The following NAALADL2 variants were observed in gnomAD, a reference collection of about 807,000 sequenced individuals.
The protein encoded by NAALADL2 is inactive N-acetylated-alpha-linked acidic dipeptidase-like protein 2.
Under a neutral mutation model 87.2 loss-of-function variants are expected in NAALADL2, and 76 were observed. The ratio of observed to expected loss-of-function variants is 0.87; its 90% CI spans 0.72 to 1.05. NAALADL2 has a LOEUF of 1.05. Ranked by LOEUF, NAALADL2 falls within the 50% of genes least tolerant of loss-of-function variation. The probability of loss-of-function intolerance (pLI) is 0.00; values close to 1 mark genes in which losing one functional copy is unlikely to be tolerated. For synonymous variants in NAALADL2, 354 were observed against 331.0 expected (o/e 1.07, Z -0.75); for missense variants, 1,089 against 945.8 (o/e 1.15, Z -1.99).
chr3:175,062,561 T>A (rs1713737829), intron 1 of NAALADL2, among the ~76,000 whole-genome samples: 1 of 151,748 alleles, frequency 6.6e-6, no homozygotes, highest in Non-Finnish European at 1.5e-5. Context: ...TGCCCAGCTA[T>A]TTCTTCCAAA....
intron 2 of NAALADL2, among the ~76,000 whole-genome samples, chr3:174,611,488 G>C (rs534523010): frequency 6.6e-6 from 1 of 151,806 alleles, no homozygotes; most frequent in Admixed American, 6.6e-5. Flanking sequence ...TTCTAATTAC[G>C]GTAGGAATAG....
intron 5 of NAALADL2, among the ~76,000 whole-genome samples, chr3:175,404,205 T>C (rs1356752671): frequency 6.6e-6 from 1 of 152,130 alleles, no homozygotes; most frequent in Admixed American, 6.6e-5. Context: ...GTACTTGCTT[T>C]GGAGCCAGAA....
At position 175,471,623 on chromosome 3, in the gene NAALADL2, T is replaced by A; in HGVS notation, c.1534-16T>A. On this transcript the variant is annotated splice_polypyrimidine_tract_variant and intron_variant, in intron 8 of 13. Coordinates refer to ENST00000454872, the MANE Select transcript of NAALADL2 (RefSeq NM_207015.3). Reference sequence around the variant, plus strand: ...ATTTGTCTTACAGATAGATCCTTTTTTTTTTGTTATTTCAGGATTTCAAGA... The same window carrying A: ...ATTTGTCTTACAGATAGATCCTTTTATTTTTGTTATTTCAGGATTTCAAGA... 1.5e-6 allele frequency: 2 copies of A among 1,348,444 alleles called. No individual in the cohort carries two copies. Among genetic ancestry groups the A allele is most frequent in the Non-Finnish European group, 2.1e-6 (2 of 954,574 alleles). 83.5% of individuals were successfully genotyped at this position (1,348,444 alleles called of 1,614,324 possible). A position where few individuals can be genotyped will look rare whatever the true frequency, so the allele number is the denominator to read the frequency against.
intron 2 of NAALADL2, among the ~76,000 whole-genome samples, chr3:174,704,568 GA>G (rs1263336672): frequency 6.6e-6 from 1 of 151,662 alleles, no homozygotes; most frequent in Non-Finnish European, 1.5e-5. Flanking sequence ...GACAAGTTTA[GA>G]AACATATATA....
rs1436256606 is a variant in NAALADL2, at chr3:175,390,687, G to A, written c.1091-56542G>A. 2.0e-5 allele frequency among the ~76,000 whole-genome samples: 3 copies of A among 151,984 alleles called. No individual in the cohort carries two copies. The East Asian group carries it at 5.8e-4, about 29-fold the overall frequency. On this transcript the variant is annotated intron_variant, in intron 5 of 13. Transcript: ENST00000454872. ...GTCTCCAAGAGTAGCTTTTTTTCTGGTAAAAAGACATTTTTATAAATAGAA... is the reference window on the plus strand; with the variant it reads ...GTCTCCAAGAGTAGCTTTTTTTCTGATAAAAAGACATTTTTATAAATAGAA...
intron 11 of NAALADL2, among the ~76,000 whole-genome samples, chr3:175,707,185 T>C (rs1739837598): frequency 6.6e-6 from 1 of 152,100 alleles, no homozygotes; most frequent in Non-Finnish European, 1.5e-5. Context: ...AGTAAATATT[T>C]TGGCTTTGTG....
intron 5 of NAALADL2, among the ~76,000 whole-genome samples, chr3:175,332,058 A>G (rs2110503344): frequency 6.6e-6 from 1 of 152,310 alleles, no homozygotes; most frequent in East Asian, 1.9e-4. Flanking sequence ...ACTCCAAAAT[A>G]CTGATGAAAT....
intron 5 of NAALADL2, among the ~76,000 whole-genome samples, chr3:175,388,293 A>T (rs369547297): frequency 2.6e-5 from 4 of 152,130 alleles, no homozygotes; most frequent in Non-Finnish European, 4.4e-5. Flanking sequence ...TTCAATATAC[A>T]TGATTTTCTA....
At chr3:174,828,689 T>G (rs898959116) in intron 3 of NAALADL2, among the ~76,000 whole-genome samples, 4 of 152,230 alleles carry the variant, frequency 2.6e-5, no homozygotes, top group African/African-American at 9.6e-5. Context: ...TTCTGGTTCC[T>G]GAACTCTTGG....
At chr3:175,409,619 T>TA (rs1713090761) in intron 5 of NAALADL2, among the ~76,000 whole-genome samples, 1 of 151,918 alleles carries the variant, frequency 6.6e-6, no homozygotes, top group Non-Finnish European at 1.5e-5. Context: ...ACATTTTTTT[T>TA]ACCAATCTCC....
rs377664346 is a variant in NAALADL2, at chr3:174,726,479, T to G, written c.-114-11162T>G. Among the ~76,000 whole-genome samples, 5 of 152,182 alleles carry G rather than the reference T, an allele frequency of 3.3e-5. No individual in the cohort carries two copies. The South Asian group carries it at 1.0e-3, about 31-fold the overall frequency. On this transcript the variant is annotated intron_variant, in intron 2 of 3. Coordinates refer to the NAALADL2 transcript ENST00000434257. The stretch of plus-strand genomic sequence containing the variant: ...TAATTATAATTTTTAAAATAATGTA[T>G]TTAAATATTATTTGTCTTCTGAGTG...
At chr3:175,671,920 A>G (rs1236558070) in intron 11 of NAALADL2, among the ~76,000 whole-genome samples, 1 of 152,062 alleles carries the variant, frequency 6.6e-6, no homozygotes, top group African/African-American at 2.4e-5. Flanking sequence ...CTATGTTCCA[A>G]AAGTGTTATA....
intron 5 of NAALADL2, among the ~76,000 whole-genome samples, chr3:175,338,632 CA>C (rs1762263869): frequency 8.0e-6 from 1 of 125,754 alleles, no homozygotes; most frequent in Non-Finnish European, 1.6e-5. Flanking sequence ...AACACACACA[CA>C]CACACACACA....
chr3:175,802,062 C>T (rs1234762057), intron 13 of NAALADL2, among the ~76,000 whole-genome samples: 2 of 152,092 alleles, frequency 1.3e-5, no homozygotes, highest in African/African-American at 4.8e-5. Flanking sequence ...CTGTCTGTAG[C>T]TCCACTCTCT....
intron 2 of NAALADL2, among the ~76,000 whole-genome samples, chr3:174,588,009 A>C (rs1716921165): frequency 6.6e-6 from 1 of 152,094 alleles, no homozygotes; most frequent in Non-Finnish European, 1.5e-5. Context: ...CAGGTACACC[A>C]ATCAGATGTA....
In NAALADL2 at chr3:175,298,491, G is replaced by A. The variant is rs138942261; in HGVS notation, c.940-25684G>A. On this transcript the variant is annotated intron_variant, in intron 4 of 13. Coordinates refer to ENST00000454872, the MANE Select transcript of NAALADL2 (RefSeq NM_207015.3). Reference sequence around the variant, plus strand: ...TGAAATGAGAATCTCATAAAAGAGAGAATAAAAATTTATTATTGTTCCATT... The same window carrying A: ...TGAAATGAGAATCTCATAAAAGAGAAAATAAAAATTTATTATTGTTCCATT... Among the ~76,000 whole-genome samples, 456 of 152,152 alleles carry A rather than the reference G, an allele frequency of 3.0e-3. 4 individuals carry two copies. The highest frequency in any genetic ancestry group is 0.01 in the African/African-American group (420 of 41,528).
At chr3:175,725,103 C>T (rs1742754108) in intron 11 of NAALADL2, among the ~76,000 whole-genome samples, 1 of 152,034 alleles carries the variant, frequency 6.6e-6, no homozygotes, top group Non-Finnish European at 1.5e-5. Flanking sequence ...AGATACTCAG[C>T]ATTATGACCT....
chr3:175,328,181 A>G (rs1051324225), intron 5 of NAALADL2, among the ~76,000 whole-genome samples: 16 of 152,160 alleles, frequency 1.1e-4, no homozygotes, highest in African/African-American at 3.6e-4. Flanking sequence ...CCAGTCCTGA[A>G]GAAGTAGGTG....
In NAALADL2 at chr3:175,096,827, A is replaced by T; in HGVS notation, c.81A>T (p.Gln27His). 1 of 1,602,396 alleles carries T rather than the reference A, an allele frequency of 6.2e-7. No homozygotes were observed. The highest frequency in any genetic ancestry group is 8.5e-7 in the Non-Finnish European group (1 of 1,174,730). ...KMAYQKVHAD[Q>H]RAPGHSQYLD... ...CCTATCAGAAGGTCCATGCAGATCA[A>T]AGAGCTCCAGGACACTCACAGTACT... The change falls in exon 2 of 14, where the codon CAA becomes CAT. Residue 27 changes from glutamine (Q) to histidine (H), a missense_variant. By Grantham distance (24) the Gln-to-His change is conservative. Transcript: ENST00000454872.
Sources: allele counts gnomAD v4.1 joint callset (sites outside exome capture counted in the v4.1 genomes callset), GRCh38; gene constraint gnomAD v4.1.1; transcripts MANE v1.5; gene names NCBI Gene and HGNC (gene_info 2026-07-23, HGNC 2026-07-21).